LUC7L2: variants seen among roughly 807,000 people sequenced by gnomAD.
LUC7L2 encodes the protein LUC7 like 2, pre-mRNA splicing factor, also known as putative RNA-binding protein Luc7-like 2.
A neutral mutation model predicts 52.8 loss-of-function variants in LUC7L2; 25 were observed. The ratio of observed to expected loss-of-function variants is 0.47; its 90% CI spans 0.34 to 0.66. The LOEUF (loss-of-function observed/expected upper bound fraction) is 0.66, where lower values mean the gene tolerates loss of function less well. Among genes scored for constraint, LUC7L2 ranks in the 30% least tolerant of loss-of-function variants. The pLI is 0.01. For synonymous variants in LUC7L2, 144 were observed against 160.9 expected, an observed-to-expected ratio of 0.89 and a Z score of 0.80; for missense variants, 328 against 497.8, an observed-to-expected ratio of 0.66 and a Z score of 3.25.
At chr7:139,376,190 G>A in intron 2 of LUC7L2, 34 bp downstream of exon 2, 1 of 1,604,882 alleles carries the variant, frequency 6.2e-7, no homozygotes, top group Non-Finnish European at 8.5e-7. Context: ...TTAGATTACT[G>A]ATATGCTGCA....
At position 139,412,556 on chromosome 7, in the gene LUC7L2, G is replaced by C; in HGVS notation, c.785G>C (p.Arg262Pro). 1 of 1,598,126 alleles carries C rather than the reference G, an allele frequency of 6.3e-7. No individual in the cohort carries two copies. The highest frequency in any genetic ancestry group is 8.5e-7 in the Non-Finnish European group (1 of 1,174,492). Residue 262 changes from arginine to proline, a missense_variant, in exon 8 of 10, where the codon CGA becomes CCA. This residue lies in a region of LUC7L2 where 195 missense variants were observed against 223.3 expected (regional missense o/e 0.87). Coordinates refer to ENST00000354926, the MANE Select transcript of LUC7L2 (RefSeq NM_016019.5). ...REEREKLRRS[R>P]SHSKNPKRSR... ...TACATATTTTTTTTTTTTAGGTCCC[G>C]ATCACACAGCAAGAATCCAAAAAGG...
intron 2 of LUC7L2, chr7:139,392,472 G>T (rs1395267338): frequency 7.4e-6 from 3 of 408,028 alleles, no homozygotes; most frequent in Non-Finnish European, 1.5e-5. Context: ...AAGTTACCAG[G>T]ATCAGGTATA....
intron 1 of LUC7L2, among the ~76,000 whole-genome samples, chr7:139,360,607 G>T (rs1244101666): frequency 6.6e-6 from 1 of 152,156 alleles, no homozygotes; most frequent in African/African-American, 2.4e-5. Flanking sequence ...AGACGGGAGA[G>T]CCCGCGTCTC....
intron 1 of LUC7L2, chr7:139,340,620 G>A (rs760497674): frequency 1.5e-4 from 58 of 396,870 alleles, no homozygotes; most frequent in Admixed American, 2.6e-4. Flanking sequence ...GTGGGATAGG[G>A]TAAGGCGAAA....
chr7:139,400,556 T>C (rs1198796366), intron 3 of LUC7L2, among the ~76,000 whole-genome samples: 1 of 152,142 alleles, frequency 6.6e-6, no homozygotes, highest in Non-Finnish European at 1.5e-5. Context: ...TAAACGCTTT[T>C]CTTTTTCTGA....
intron 1 of LUC7L2, among the ~76,000 whole-genome samples, chr7:139,351,173 G>A (rs1172770412): frequency 6.6e-6 from 1 of 152,102 alleles, no homozygotes; most frequent in Non-Finnish European, 1.5e-5. Flanking sequence ...GGCTCCTCTG[G>A]CATGCTGAAG....
At chr7:139,352,996 G>A (rs1405347933) in intron 1 of LUC7L2, among the ~76,000 whole-genome samples, 3 of 152,086 alleles carry the variant, frequency 2.0e-5, no homozygotes, top group Admixed American at 1.3e-4. Flanking sequence ...TCAGGAGTTC[G>A]AGACCAGCCT....
At chr7:139,371,345 C>G (rs1800439503) in intron 1 of LUC7L2, 1 of 762,804 alleles carries the variant, frequency 1.3e-6, no homozygotes, top group East Asian at 2.7e-5. Flanking sequence ...CTTTAAGGTT[C>G]TTTTGAAATT....
intron 7 of LUC7L2, among the ~76,000 whole-genome samples, chr7:139,410,013 C>T (rs1480400297): frequency 2.6e-5 from 4 of 152,100 alleles, no homozygotes; most frequent in Non-Finnish European, 5.9e-5. Flanking sequence ...CGAGACCATC[C>T]TGGCTAACAC....
intron 2 of LUC7L2, among the ~76,000 whole-genome samples, chr7:139,386,412 T>TTTTTC (rs1326291557): frequency 6.7e-6 from 1 of 149,188 alleles, no homozygotes; most frequent in African/African-American, 2.5e-5. Flanking sequence ...AAATTTTTTT[T>TTTTTC]TTTTTTTTTT....
upstream of LUC7L2, chr7:139,358,882 T>C (rs1433337725): frequency 6.6e-6 from 1 of 152,202 alleles, no homozygotes; most frequent in Non-Finnish European, 1.5e-5. Context: ...GGTTTCACCA[T>C]GTTGGCCAGG....
chr7:139,341,541 G>A, intron 1 of LUC7L2: 1 of 1,607,002 alleles, frequency 6.2e-7, no homozygotes, highest in Non-Finnish European at 8.5e-7. Flanking sequence ...GCCATGTCCC[G>A]GGTGCTCTAC....
At chr7:139,390,557 GTT>G (rs528049490) in intron 2 of LUC7L2, among the ~76,000 whole-genome samples, 3 of 125,170 alleles carry the variant, frequency 2.4e-5, no homozygotes, top group Admixed American at 8.2e-5. Context: ...AGACAATGTA[GTT>G]TTTTTTTTTT....
At chr7:139,396,358 C>T (rs926869683) in intron 2 of LUC7L2, among the ~76,000 whole-genome samples, 10 of 151,892 alleles carry the variant, frequency 6.6e-5, no homozygotes, top group Non-Finnish European at 1.5e-4. Flanking sequence ...GTGGGAGGAT[C>T]GCTTGAGCTG....
intron 2 of LUC7L2, among the ~76,000 whole-genome samples, chr7:139,381,559 G>A (rs556261771): frequency 1.1e-4 from 16 of 150,938 alleles, no homozygotes; most frequent in Admixed American, 6.6e-4. Context: ...ACAAATGTGC[G>A]CCACTAGGCT....
chr7:139,398,765 A>G (rs1266454960), intron 3 of LUC7L2, 68 bp downstream of exon 3: 2 of 1,454,844 alleles, frequency 1.4e-6, no homozygotes. Flanking sequence ...GTGGATTAAG[A>G]TCTCTTAATA....
At chr7:139,366,541 A>G (rs556162709) in intron 1 of LUC7L2, among the ~76,000 whole-genome samples, 4 of 152,306 alleles carry the variant, frequency 2.6e-5, no homozygotes, top group Middle Eastern at 3.4e-3. Context: ...GACTGGCACT[A>G]TGGCCTCCTG....
At chr7:139,397,248 A>G (rs1794698969) in intron 2 of LUC7L2, among the ~76,000 whole-genome samples, 1 of 152,198 alleles carries the variant, frequency 6.6e-6, no homozygotes, top group Non-Finnish European at 1.5e-5. Context: ...GCCTTTTCCT[A>G]AGATTCATTT....
At chr7:139,341,638 C>T in intron 1 of LUC7L2, 2 of 1,472,542 alleles carry the variant, frequency 1.4e-6, no homozygotes, top group Non-Finnish European at 1.8e-6. Flanking sequence ...AACCCTCCCA[C>T]GGAGCCCTGG....
Sources: allele counts gnomAD v4.1 joint callset (sites outside exome capture counted in the v4.1 genomes callset), GRCh38; gene constraint gnomAD v4.1.1; regional missense constraint gnomAD v4.1.1; transcripts MANE v1.5; gene names NCBI Gene and HGNC (gene_info 2026-07-23, HGNC 2026-07-21).